The following ANKRD30BL variants were observed in gnomAD, a reference collection of about 807,000 sequenced individuals.
ANKRD30BL encodes the protein ankyrin repeat domain 30B like.
Under a neutral mutation model 18.4 loss-of-function variants are expected in ANKRD30BL, and 20 were observed. That is an observed-to-expected ratio of 1.09 (90% CI 0.77 to 1.58). ANKRD30BL has a LOEUF of 1.58. Ranked by LOEUF, ANKRD30BL falls within the 40% of genes most tolerant of loss-of-function variation. ANKRD30BL has a pLI of 0.00. For missense variants in ANKRD30BL, 224 were observed against 268.6 expected, an observed-to-expected ratio of 0.83 and a Z score of 1.16; for synonymous variants, 72 against 100.9, an observed-to-expected ratio of 0.71 and a Z score of 1.72.
intron 1 of ANKRD30BL, among the ~76,000 whole-genome samples, chr2:132,233,302 A>T (rs1199939749): frequency 1.0e-4 from 15 of 150,602 alleles, no homozygotes; most frequent in Non-Finnish European, 1.0e-4. Context: ...ACCAGCTAAC[A>T]TCATAATGAC....
At chr2:132,215,143 T>C (rs528726757) in intron 1 of ANKRD30BL, among the ~76,000 whole-genome samples, 2 of 152,180 alleles carry the variant, frequency 1.3e-5, no homozygotes, top group Non-Finnish European at 2.9e-5. Flanking sequence ...AAGTGGACAT[T>C]TGGAGCGCTT....
chr2:132,238,098 C>A (rs1275379256), intron 1 of ANKRD30BL, among the ~76,000 whole-genome samples: 1 of 151,630 alleles, frequency 6.6e-6, no homozygotes. Context: ...ACATTTAGTG[C>A]GATTTGAGAC....
chr2:132,191,376 G>C (rs1392723199), intron 1 of ANKRD30BL, among the ~76,000 whole-genome samples: 1 of 151,904 alleles, frequency 6.6e-6, no homozygotes, highest in East Asian at 1.9e-4. Flanking sequence ...ATGTTCATTT[G>C]TATGCACATG....
intron 1 of ANKRD30BL, among the ~76,000 whole-genome samples, chr2:132,202,972 A>T (rs956939235): frequency 3.3e-5 from 5 of 152,250 alleles, no homozygotes; most frequent in African/African-American, 1.2e-4. Flanking sequence ...TGCAAAGCAG[A>T]TCAGGATATT....
At chr2:132,226,639 A>T (rs1432870509) in intron 1 of ANKRD30BL, among the ~76,000 whole-genome samples, 1 of 151,438 alleles carries the variant, frequency 6.6e-6, no homozygotes, top group Non-Finnish European at 1.5e-5. Context: ...TTTTTGTAGA[A>T]TCTGCAAGTG....
At chr2:132,253,709 C>T (rs890149672) in intron 1 of ANKRD30BL, among the ~76,000 whole-genome samples, 3 of 151,684 alleles carry the variant, frequency 2.0e-5, no homozygotes, top group South Asian at 4.2e-4. Context: ...TGTGGGCCCA[C>T]TGCACCTGAC....
chr2:132,151,275 C>T (rs1287864245), intron 4 of ANKRD30BL, among the ~76,000 whole-genome samples: 5 of 152,126 alleles, frequency 3.3e-5, no homozygotes, highest in Non-Finnish European at 5.9e-5. Context: ...TGGCTACCAA[C>T]AGGTATTTTT....
At chr2:132,153,469 C>G (rs923121127) in intron 4 of ANKRD30BL, 4 of 451,644 alleles carry the variant, frequency 8.9e-6, no homozygotes, top group African/African-American at 8.1e-5. Flanking sequence ...TAGTTTCTGG[C>G]TGATGAAGTG....
intron 1 of ANKRD30BL, among the ~76,000 whole-genome samples, chr2:132,179,653 CA>C (rs1373191431): frequency 6.6e-6 from 1 of 152,008 alleles, no homozygotes; most frequent in Non-Finnish European, 1.5e-5. Context: ...AACAGTAGAG[CA>C]ATTTCAGGCA....
At chr2:132,237,451 C>T (rs1317690214) in intron 1 of ANKRD30BL, among the ~76,000 whole-genome samples, 2 of 151,908 alleles carry the variant, frequency 1.3e-5, no homozygotes, top group East Asian at 3.9e-4. Flanking sequence ...AATATCTTCA[C>T]ATAAAACTAG....
intron 1 of ANKRD30BL, among the ~76,000 whole-genome samples, chr2:132,206,701 A>C (rs577541171): frequency 1.3e-5 from 2 of 152,170 alleles, no homozygotes; most frequent in South Asian, 4.1e-4. Flanking sequence ...TTCTTTAAGG[A>C]GGTGTAATTT....
chr2:132,218,237 T>C (rs1472804761), intron 1 of ANKRD30BL, among the ~76,000 whole-genome samples: 9 of 152,176 alleles, frequency 5.9e-5, no homozygotes, highest in Non-Finnish European at 1.0e-4. Context: ...TTGTAGAATT[T>C]GCAATTGGAT....
intron 1 of ANKRD30BL, among the ~76,000 whole-genome samples, chr2:132,167,853 T>A (rs1446637865): frequency 6.6e-6 from 1 of 152,210 alleles, no homozygotes; most frequent in Non-Finnish European, 1.5e-5. Context: ...CTCATAAAAA[T>A]ACTACCAGAT....
chr2:132,222,917 C>T (rs1679734187), intron 1 of ANKRD30BL, among the ~76,000 whole-genome samples: 1 of 148,840 alleles, frequency 6.7e-6, no homozygotes, highest in African/African-American at 2.5e-5. Context: ...ACTTTGAGGC[C>T]TATGGTGGAA....
intron 1 of ANKRD30BL, chr2:132,253,423 G>C (rs1253880767): frequency 6.6e-6 from 1 of 152,532 alleles, no homozygotes; most frequent in Non-Finnish European, 1.5e-5. Flanking sequence ...CCAGACTCCA[G>C]AGAGGGGTTG....
chr2:132,251,643 G>A (rs1352478339), intron 1 of ANKRD30BL, among the ~76,000 whole-genome samples: 1 of 152,104 alleles, frequency 6.6e-6, no homozygotes, highest in Non-Finnish European at 1.5e-5. Flanking sequence ...TCTGTTTTAT[G>A]TTCTATTTGT....
In ANKRD30BL at chr2:132,253,666, G is replaced by A. The variant is rs1680731007; in HGVS notation, n.441+3863C>T. On this transcript the variant is annotated intron_variant and non_coding_transcript_variant, in intron 1 of 4. Coordinates refer to the ANKRD30BL transcript ENST00000470729. ...GGGACGGAGTCGGCAGGGGAGGCGA[G>A]GGAGGGGCGGGCCCCTCCTGAACGG... 2.0e-5 allele frequency among the ~76,000 whole-genome samples: 3 copies of A among 152,058 alleles called. No homozygotes were observed. In the South Asian group the frequency reaches 6.2e-4, roughly 31 times the overall value.
At chr2:132,178,587 G>A (rs1351634628) in intron 1 of ANKRD30BL, among the ~76,000 whole-genome samples, 1 of 151,512 alleles carries the variant, frequency 6.6e-6, no homozygotes, top group Non-Finnish European at 1.5e-5. Context: ...ATCATGCCAA[G>A]CATTATAATT....
intron 1 of ANKRD30BL, among the ~76,000 whole-genome samples, chr2:132,235,003 T>C (rs1406764993): frequency 1.3e-5 from 2 of 152,170 alleles, no homozygotes; most frequent in Admixed American, 6.6e-5. Flanking sequence ...CAAGTGGGCT[T>C]CATCCCTGGG....
Sources: allele counts gnomAD v4.1 joint callset (sites outside exome capture counted in the v4.1 genomes callset), GRCh38; gene constraint gnomAD v4.1.1; transcripts MANE v1.5; gene names NCBI Gene and HGNC (gene_info 2026-07-23, HGNC 2026-07-21).